ST3GAL3: variants seen among roughly 807,000 people sequenced by gnomAD.
ST3GAL3 encodes the protein ST3 beta-galactoside alpha-2,3-sialyltransferase 3, also known as CMP-N-acetylneuraminate-beta-1,4-galactoside alpha-2,3-sialyltransferase.
Under a neutral mutation model 50.1 loss-of-function variants are expected in ST3GAL3, and 21 were observed. The ratio of observed to expected loss-of-function variants is 0.42; its 90% CI spans 0.30 to 0.60. The LOEUF (loss-of-function observed/expected upper bound fraction) is 0.60, where lower values mean the gene tolerates loss of function less well. Ranked by LOEUF, ST3GAL3 falls within the 20% of genes least tolerant of loss-of-function variation. The pLI is 0.19. For synonymous variants in ST3GAL3, 183 were observed against 190.0 expected, an observed-to-expected ratio of 0.96 and a Z score of 0.30; for missense variants, 353 against 489.4, an observed-to-expected ratio of 0.72 and a Z score of 2.63.
At chr1:43,887,266 C>G (rs1204758639) in intron 5 of ST3GAL3, among the ~76,000 whole-genome samples, 1 of 152,106 alleles carries the variant, frequency 6.6e-6, no homozygotes, top group African/African-American at 2.4e-5. Context: ...AAAGGTACAA[C>G]AGTGTAAGAT....
At chr1:43,890,014 G>A (rs2076483764) in intron 5 of ST3GAL3, among the ~76,000 whole-genome samples, 1 of 152,216 alleles carries the variant, frequency 6.6e-6, no homozygotes, top group Non-Finnish European at 1.5e-5. Context: ...TACGCAGGAG[G>A]CTGAGGTGGA....
At chr1:43,839,979 A>G (rs562348314) in intron 5 of ST3GAL3, 1 of 151,834 alleles carries the variant, frequency 6.6e-6, no homozygotes, top group East Asian at 1.9e-4. Flanking sequence ...CACCGCCATG[A>G]TCCAGTCACC....
At chr1:43,867,188 G>A (rs2071548121) in intron 5 of ST3GAL3, among the ~76,000 whole-genome samples, 1 of 152,128 alleles carries the variant, frequency 6.6e-6, no homozygotes, top group African/African-American at 2.4e-5. Context: ...GAATAGCGCA[G>A]GAAAGACCCA....
At chr1:43,773,549 C>T (rs2154135039) in intron 2 of ST3GAL3, among the ~76,000 whole-genome samples, 1 of 152,236 alleles carries the variant, frequency 6.6e-6, no homozygotes, top group South Asian at 2.1e-4. Context: ...TTTGTCCTAT[C>T]TTTGTAGATG....
intron 9 of ST3GAL3, among the ~76,000 whole-genome samples, chr1:43,906,430 A>C (rs1266408237): frequency 1.6e-3 from 95 of 59,306 alleles, no homozygotes; most frequent in Admixed American, 3.3e-3. Context: ...TCTTCCCACC[A>C]CTCTTCCCCC....
intron 1 of ST3GAL3, among the ~76,000 whole-genome samples, chr1:43,726,837 G>A (rs978886920): frequency 5.3e-5 from 8 of 151,192 alleles, no homozygotes; most frequent in Non-Finnish European, 7.4e-5. Context: ...CAAATGATCC[G>A]CCTGCCTCGG....
At chr1:43,733,406 C>G (rs1232605003) in intron 1 of ST3GAL3, among the ~76,000 whole-genome samples, 5 of 152,202 alleles carry the variant, frequency 3.3e-5, no homozygotes, top group Non-Finnish European at 5.9e-5. Flanking sequence ...AGCTGTATAG[C>G]CTGTCAGGCC....
intron 2 of ST3GAL3, among the ~76,000 whole-genome samples, chr1:43,763,819 C>T (rs1021128488): frequency 1.6e-4 from 24 of 152,214 alleles, no homozygotes; most frequent in Non-Finnish European, 5.9e-5. Context: ...TCTATATCTG[C>T]CTTATGTTCC....
intron 2 of ST3GAL3, among the ~76,000 whole-genome samples, chr1:43,741,089 G>A (rs1680732970): frequency 6.6e-6 from 1 of 152,148 alleles, no homozygotes; most frequent in Non-Finnish European, 1.5e-5. Flanking sequence ...CACTTTTGGA[G>A]GCTGAAGTGG....
chr1:43,715,266 A>T (rs1481767791), intron 1 of ST3GAL3, among the ~76,000 whole-genome samples: 1 of 149,724 alleles, frequency 6.7e-6, no homozygotes, highest in Non-Finnish European at 1.5e-5. Context: ...ACTGAGTACA[A>T]AAAAAAAATG....
rs1557540467 is a variant in ST3GAL3, at chr1:43,917,634, TATA to T, written c.745-2766_745-2764del. ...ATTATATATTATATTATATATAATA[TATA>T]ATATAATATATAATATAATATATAA... On this transcript the variant is annotated intron_variant, in intron 9 of 11. Transcript: ENST00000347631. 3.1e-3 allele frequency among the ~76,000 whole-genome samples: 234 copies of T among 76,480 alleles called. 1 individual carries two copies. Among genetic ancestry groups the T allele is most frequent in the African/African-American group, 6.6e-3 (111 of 16,710 alleles). 50.2% of individuals were successfully genotyped at this position (76,480 alleles called of 152,430 possible). A position where few individuals can be genotyped will look rare whatever the true frequency, so the allele number is the denominator to read the frequency against.
intron 2 of ST3GAL3, among the ~76,000 whole-genome samples, chr1:43,770,274 G>C (rs1694632907): frequency 6.8e-6 from 1 of 147,326 alleles, no homozygotes. Flanking sequence ...GGGGAGGGGA[G>C]GAGAGGGGAA....
At chr1:43,916,784 A>C (rs2081885604) in intron 9 of ST3GAL3, 1 of 152,138 alleles carries the variant, frequency 6.6e-6, no homozygotes, top group East Asian at 1.9e-4. Flanking sequence ...TATATTGCCC[A>C]GGCTGGTATT....
At chr1:43,801,875 CT>C (rs1304799934) in intron 3 of ST3GAL3, among the ~76,000 whole-genome samples, 4 of 152,112 alleles carry the variant, frequency 2.6e-5, no homozygotes, top group Non-Finnish European at 4.4e-5. Flanking sequence ...AGCATTGCGC[CT>C]TTAGTCCAAA....
At chr1:43,831,318 G>A (rs923334700) in intron 4 of ST3GAL3, among the ~76,000 whole-genome samples, 9 of 152,178 alleles carry the variant, frequency 5.9e-5, no homozygotes, top group African/African-American at 9.7e-5. Flanking sequence ...GCCAAATAAC[G>A]TTTTGCAAGG....
intron 9 of ST3GAL3, among the ~76,000 whole-genome samples, chr1:43,906,822 T>C (rs1571202791): frequency 1.3e-5 from 2 of 152,240 alleles, no homozygotes; most frequent in Admixed American, 6.5e-5. Context: ...AATGACCCTA[T>C]AGCTAGGTAC....
chr1:43,921,443 C>A (rs991807963), intron 11 of ST3GAL3: 2 of 407,742 alleles, frequency 4.9e-6, no homozygotes, highest in Admixed American at 4.1e-5. Flanking sequence ...CCCTCCCTAG[C>A]CAAGACCCCA....
chr1:43,802,280 T>G (rs1387529453), intron 3 of ST3GAL3, among the ~76,000 whole-genome samples: 1 of 152,202 alleles, frequency 6.6e-6, no homozygotes, highest in Non-Finnish European at 1.5e-5. Context: ...AAATATAAAA[T>G]CATTTTTATA....
chr1:43,725,580 TTTTA>T (rs1672572279), intron 1 of ST3GAL3, among the ~76,000 whole-genome samples: 1 of 152,168 alleles, frequency 6.6e-6, no homozygotes, highest in South Asian at 2.1e-4. Context: ...CTTCTAGCAT[TTTTA>T]TTTTTTATTT....
Sources: allele counts gnomAD v4.1 joint callset (sites outside exome capture counted in the v4.1 genomes callset), GRCh38; gene constraint gnomAD v4.1.1; transcripts MANE v1.5; gene names NCBI Gene and HGNC (gene_info 2026-07-23, HGNC 2026-07-21).